Variants in RAD51B observed in about 807,000 individuals in gnomAD.
RAD51B encodes the protein RAD51 paralog B, also known as DNA repair protein RAD51 homolog 2.
In RAD51B, 38 loss-of-function variants were observed where a neutral mutation model predicts 42.2. That is an observed-to-expected ratio of 0.90 (90% CI 0.70 to 1.18). The LOEUF (loss-of-function observed/expected upper bound fraction) is 1.18. Among genes scored for constraint, RAD51B ranks in the 50% most tolerant of loss-of-function variants. RAD51B has a pLI of 0.00. For missense variants in RAD51B, 373 were observed against 400.7 expected, an observed-to-expected ratio of 0.93 and a Z score of 0.59; for synonymous variants, 154 against 145.2, an observed-to-expected ratio of 1.06 and a Z score of -0.43.
At chr14:68,605,426 A>G (rs1021040688) in intron 10 of RAD51B, among the ~76,000 whole-genome samples, 1 of 152,266 alleles carries the variant, frequency 6.6e-6, no homozygotes, top group Non-Finnish European at 1.5e-5. Context: ...TATTCCTTAC[A>G]CAGTTTGTCC....
intron 7 of RAD51B, among the ~76,000 whole-genome samples, chr14:68,184,050 G>A (rs1435703421): frequency 2.8e-5 from 4 of 143,550 alleles, no homozygotes; most frequent in African/African-American, 7.9e-5. Flanking sequence ...CGGAGATCAC[G>A]CCACTGCACT....
At chr14:68,255,625 A>G (rs919619273) in intron 7 of RAD51B, among the ~76,000 whole-genome samples, 1 of 152,116 alleles carries the variant, frequency 6.6e-6, no homozygotes, top group East Asian at 1.9e-4. Context: ...TTATCACATA[A>G]TTTTCTCACC....
chr14:68,164,115 T>A (rs1595496016), intron 7 of RAD51B, among the ~76,000 whole-genome samples: 1 of 152,132 alleles, frequency 6.6e-6, no homozygotes, highest in Non-Finnish European at 1.5e-5. Flanking sequence ...AGATGACAGG[T>A]CACTTGACTA....
intron 8 of RAD51B, among the ~76,000 whole-genome samples, chr14:68,302,244 G>T (rs2081756346): frequency 6.6e-6 from 1 of 152,196 alleles, no homozygotes; most frequent in African/African-American, 2.4e-5. Flanking sequence ...CCTGCTCTAT[G>T]GGAAGCTCAC....
chr14:68,668,866 A>G lies in RAD51B; in HGVS notation c.*11+18010A>G, dbSNP rs534031018. Among the ~76,000 whole-genome samples the G allele has an allele frequency of 3.9e-5, 6 of 152,346 alleles. No homozygotes were observed. In the East Asian group the frequency reaches 1.2e-3, roughly 29 times the overall value. ...AGCTCAGGATCTTCTCTGTGCCCAA[A>G]TCCCCAAGAAAAGTCTAAAACTGGT... On this transcript the variant is annotated intron_variant, in intron 11 of 11. Coordinates refer to the RAD51B transcript ENST00000488612.
chr14:68,467,832 A>C (rs1247396818), intron 9 of RAD51B, among the ~76,000 whole-genome samples: 1 of 152,266 alleles, frequency 6.6e-6, no homozygotes, highest in Non-Finnish European at 1.5e-5. Context: ...TAAGTTTATA[A>C]ATAAAATTAG....
At chr14:68,002,632 G>C (rs1318918788) in intron 7 of RAD51B, among the ~76,000 whole-genome samples, 1 of 152,122 alleles carries the variant, frequency 6.6e-6, no homozygotes, top group Non-Finnish European at 1.5e-5. Flanking sequence ...GTATTGCCAA[G>C]ATTTTCTTCT....
chr14:68,077,359 A>G (rs2140481740), intron 7 of RAD51B, among the ~76,000 whole-genome samples: 1 of 152,320 alleles, frequency 6.6e-6, no homozygotes, highest in Middle Eastern at 3.4e-3. Context: ...GCCCCAGGGT[A>G]TTTACAAGCA....
intron 3 of RAD51B, among the ~76,000 whole-genome samples, chr14:67,828,713 C>A (rs928582455): frequency 1.3e-5 from 2 of 152,076 alleles, no homozygotes; most frequent in African/African-American, 2.4e-5. Flanking sequence ...TATGGCTAGT[C>A]AGTTCTCCCA....
intron 7 of RAD51B, among the ~76,000 whole-genome samples, chr14:68,008,418 C>CCA (rs1393767702): frequency 6.6e-6 from 1 of 151,660 alleles, no homozygotes; most frequent in Non-Finnish European, 1.5e-5. Flanking sequence ...ACCTCCACCA[C>CCA]CACACACACA....
At chr14:67,890,513 A>T (rs1290404325) in intron 7 of RAD51B, among the ~76,000 whole-genome samples, 1 of 151,930 alleles carries the variant, frequency 6.6e-6, no homozygotes, top group Non-Finnish European at 1.5e-5. Flanking sequence ...CACAATGTGC[A>T]GGTTAGTTAC....
intron 7 of RAD51B, among the ~76,000 whole-genome samples, chr14:68,121,688 G>A (rs1323115446): frequency 6.6e-6 from 1 of 151,992 alleles, no homozygotes; most frequent in Non-Finnish European, 1.5e-5. Context: ...TAGAAAGGAG[G>A]CATATTAACT....
intron 7 of RAD51B, among the ~76,000 whole-genome samples, chr14:68,205,460 A>G (rs2079565516): frequency 1.3e-5 from 2 of 152,152 alleles, no homozygotes; most frequent in South Asian, 4.1e-4. Context: ...GAGAGGTGAG[A>G]GAGAGAAGAC....
intron 7 of RAD51B, among the ~76,000 whole-genome samples, chr14:67,927,670 A>T (rs2044566850): frequency 6.7e-6 from 1 of 149,908 alleles, no homozygotes; most frequent in African/African-American, 2.5e-5. Context: ...ACATGATTTC[A>T]TTCTTTTTTA....
rs144468062 is a variant in RAD51B at position 68,226,234 on chromosome 14, C to G, written c.757-65650C>G. 5.3e-5 allele frequency among the ~76,000 whole-genome samples: 8 copies of G among 152,314 alleles called. No individual in the cohort carries two copies. The East Asian group carries it at 1.5e-3, about 29-fold the overall frequency. Reference sequence around the variant, plus strand: ...CTCCTCTGTGCTTCGGTTTTCTAATCTATAAAATGAGGGAGCCAACCTAAA... The same window carrying G: ...CTCCTCTGTGCTTCGGTTTTCTAATGTATAAAATGAGGGAGCCAACCTAAA... On this transcript the variant is annotated intron_variant, in intron 7 of 10. Transcript: ENST00000471583.
chr14:67,860,987 A>C (rs1483165102), intron 4 of RAD51B, among the ~76,000 whole-genome samples: 1 of 152,118 alleles, frequency 6.6e-6, no homozygotes, highest in Non-Finnish European at 1.5e-5. Context: ...TTAGCTCAGG[A>C]GTTCAAGACC....
intron 1 of RAD51B, among the ~76,000 whole-genome samples, chr14:67,822,880 A>G (rs1216775920): frequency 6.6e-6 from 1 of 152,218 alleles, no homozygotes; most frequent in Non-Finnish European, 1.5e-5. Context: ...TTAAGAGGAT[A>G]GGTTTCAGAA....
intron 7 of RAD51B, among the ~76,000 whole-genome samples, chr14:68,009,872 C>G (rs1249027572): frequency 2.0e-5 from 3 of 151,852 alleles, no homozygotes; most frequent in Middle Eastern, 3.2e-3. Context: ...AATTAATTAT[C>G]TTAGACTATT....
intron 7 of RAD51B, among the ~76,000 whole-genome samples, chr14:68,230,957 G>C (rs1030975597): frequency 3.3e-5 from 5 of 152,156 alleles, no homozygotes; most frequent in African/African-American, 1.2e-4. Flanking sequence ...ACTGTCAGAA[G>C]AACATCCCAG....
Sources: gnomAD v4.1 joint callset for allele counts (sites outside exome capture counted in the v4.1 genomes callset) on GRCh38, gnomAD v4.1.1 for gene constraint, MANE v1.5 for transcripts, NCBI Gene and HGNC (gene_info 2026-07-23, HGNC 2026-07-21) for gene names.